RHEB: variants seen among roughly 807,000 people sequenced by gnomAD.
RHEB encodes the protein GTP-binding protein Rheb.
A neutral mutation model predicts 28.8 loss-of-function variants in RHEB; 2 were observed. The observed-to-expected ratio is 0.07, with a 90% confidence interval of 0.03 to 0.22. RHEB has a LOEUF of 0.22. Ranked by LOEUF, RHEB falls within the 10% of genes least tolerant of loss-of-function variation. The pLI, the probability that RHEB is intolerant of heterozygous loss-of-function variation, is 1.00. For missense variants in RHEB, 76 were observed against 219.9 expected (o/e 0.35, Z 4.14); for synonymous variants, 69 against 77.3 (o/e 0.89, Z 0.56).
At chr7:151,494,494 A>G (rs1307402771) in intron 1 of RHEB, among the ~76,000 whole-genome samples, 1 of 152,260 alleles carries the variant, frequency 6.6e-6, no homozygotes, top group Non-Finnish European at 1.5e-5. Context: ...ATGGGCATAC[A>G]CTATTTGACA....
intron 1 of RHEB, among the ~76,000 whole-genome samples, chr7:151,508,241 T>C (rs895621121): frequency 6.6e-6 from 1 of 152,126 alleles, no homozygotes; most frequent in African/African-American, 2.4e-5. Flanking sequence ...AATAACACAG[T>C]ATGAGGAAAA....
At chr7:151,491,171 T>C (rs1024829344) in intron 1 of RHEB, among the ~76,000 whole-genome samples, 157 bp from the exon 2 acceptor site, 1 of 152,220 alleles carries the variant, frequency 6.6e-6, no homozygotes, top group African/African-American at 2.4e-5. Context: ...TTTCAAAAAA[T>C]GAAATAAATT....
rs114515090 is a variant in RHEB, at chr7:151,474,269, C to T, written c.276-2664G>A. ...TTTCAGCTCATGATACAGTCTCCGCCTCCCAGGTTCAAGAGATTCTCCTGC... is the reference window on the plus strand; with the variant it reads ...TTTCAGCTCATGATACAGTCTCCGCTTCCCAGGTTCAAGAGATTCTCCTGC... On this transcript the variant is annotated intron_variant, in intron 4 of 7. Coordinates refer to ENST00000262187, the MANE Select transcript of RHEB (RefSeq NM_005614.4). Among the ~76,000 whole-genome samples the T allele has an allele frequency of 8.9e-3, 1,353 of 152,142 alleles. 20 individuals carry two copies. Among genetic ancestry groups the T allele is most frequent in the African/African-American group, 0.03 (1,259 of 41,500 alleles).
intron 4 of RHEB, among the ~76,000 whole-genome samples, chr7:151,475,138 C>T (rs1802250718): frequency 6.6e-6 from 1 of 152,238 alleles, no homozygotes; most frequent in African/African-American, 2.4e-5. Context: ...TTCTCAAATA[C>T]ATAAGGTCCT....
intron 1 of RHEB, among the ~76,000 whole-genome samples, chr7:151,492,126 A>G (rs116789152): frequency 0.02 from 2,983 of 152,250 alleles, 107 homozygotes; most frequent in African/African-American, 0.068. Flanking sequence ...CATGCTGTAT[A>G]TGCCTGGCAT....
intron 1 of RHEB, among the ~76,000 whole-genome samples, chr7:151,515,770 T>C (rs2150940788): frequency 6.6e-6 from 1 of 152,368 alleles, no homozygotes; most frequent in East Asian, 1.9e-4. Context: ...ATGAAGACTC[T>C]AAATACTACC....
chr7:151,490,204 G>A (rs1802555180), intron 2 of RHEB, among the ~76,000 whole-genome samples: 1 of 152,216 alleles, frequency 6.6e-6, no homozygotes, highest in Admixed American at 6.5e-5. Flanking sequence ...CTGGGAGGCT[G>A]AGGAAAGAGG....
chr7:151,479,549 G>C (rs371534813), intron 3 of RHEB, among the ~76,000 whole-genome samples: 1 of 152,024 alleles, frequency 6.6e-6, no homozygotes, highest in Non-Finnish European at 1.5e-5. Context: ...TGGGCGTGGT[G>C]GCGGGCGCCT....
Position 151,484,792 on chromosome 7 carries a change from A to C in RHEB, c.137T>G (p.Leu46Trp). ...ATATTCTTGTCCATTTACTGTGATC[A>C]ACTTTGTAAAAGCTACAGGGAAAAA... ...DPTIENTFTK[L>W]ITVNGQEYHL... is the part of the protein sequence containing the mutation. The change falls in exon 3 of 8, where the codon TTG (leucine) becomes TGG (tryptophan). Residue 46 changes from leucine to tryptophan, a missense_variant. Leu to Trp is a moderately conservative substitution (Grantham distance 61). Coordinates refer to ENST00000262187, the MANE Select transcript of RHEB (RefSeq NM_005614.4). 1.2e-6 allele frequency: 2 copies of C among 1,611,724 alleles called. No individual in the cohort carries two copies. Among genetic ancestry groups the C allele is most frequent in the Non-Finnish European group, 1.7e-6 (2 of 1,178,074 alleles).
At chr7:151,501,259 C>T (rs1802767468) in intron 1 of RHEB, among the ~76,000 whole-genome samples, 1 of 152,064 alleles carries the variant, frequency 6.6e-6, no homozygotes, top group South Asian at 2.1e-4. Context: ...CATAACTCAA[C>T]AACAAGAAAC....
intron 4 of RHEB, among the ~76,000 whole-genome samples, chr7:151,475,670 A>G (rs181141770): frequency 1.3e-4 from 20 of 152,360 alleles, no homozygotes; most frequent in African/African-American, 4.6e-4. Flanking sequence ...CTAAGTACAC[A>G]GTGGTTTTAA....
chr7:151,501,788 A>C (rs1351368267), intron 1 of RHEB: 1 of 333,166 alleles, frequency 3.0e-6, no homozygotes, highest in Non-Finnish European at 5.8e-6. Flanking sequence ...AGCGCACTGC[A>C]ACACATGCAG....
In RHEB at chr7:151,466,809, A is replaced by T. The variant is rs1368098738; in HGVS notation, c.*310T>A. The T allele has an allele frequency of 3.7e-6, 1 of 272,922 alleles. No homozygotes were observed. Among genetic ancestry groups the T allele is most frequent in the Middle Eastern group, 1.3e-3 (1 of 784 alleles). The allele number at this position is 272,922 out of a possible 1,614,324, so 16.9% of individuals were successfully genotyped here. ...TAATAGTAGTGTAACAATATGCATC[A>T]TTTTGATGATTACATTATTTTAAAC... is the stretch of plus-strand genomic sequence containing the variant. On this transcript the variant is annotated 3_prime_UTR_variant, in exon 8 of 8. Transcript: ENST00000262187.
In RHEB at chr7:151,515,388, G is replaced by A. The variant is rs376458370; in HGVS notation, c.52+4072C>T. Among the ~76,000 whole-genome samples, 10 of 152,270 alleles carry A rather than the reference G, an allele frequency of 6.6e-5. No individual in the cohort carries two copies. The East Asian group carries it at 1.9e-3, about 29-fold the overall frequency. On this transcript the variant is annotated intron_variant, in intron 1 of 7. Transcript: ENST00000262187. ...AATGAGTACAGAGTTTCTTTTTGGG[G>A]TGATGAAGTACAGAGAGATATAACC... is the stretch of plus-strand genomic sequence containing the variant.
chr7:151,519,394 C>G, intron 1 of RHEB, 66 bp downstream of exon 1: 1 of 1,212,934 alleles, frequency 8.2e-7, no homozygotes, highest in Non-Finnish European at 1.0e-6. Context: ...GCAGGCCCGG[C>G]CGCGACCCGG....
intron 1 of RHEB, among the ~76,000 whole-genome samples, chr7:151,499,210 T>A (rs1270176624): frequency 1.3e-5 from 2 of 152,030 alleles, no homozygotes; most frequent in African/African-American, 4.8e-5. Flanking sequence ...TACAAAAAAA[T>A]AGCTGGGCGT....
At chr7:151,505,001 G>C (rs1584865372) in intron 1 of RHEB, among the ~76,000 whole-genome samples, 1 of 142,934 alleles carries the variant, frequency 7.0e-6, no homozygotes, top group Non-Finnish European at 1.5e-5. Context: ...ATGGATCAGA[G>C]ACCTAAACAT....
intron 1 of RHEB, among the ~76,000 whole-genome samples, chr7:151,516,040 C>T (rs1803071634): frequency 8.8e-6 from 1 of 113,948 alleles, no homozygotes; most frequent in Non-Finnish European, 2.1e-5. Flanking sequence ...GTAACACTAC[C>T]ATTTTAAGTT....
chr7:151,473,771 T>A (rs1275278622), intron 4 of RHEB, among the ~76,000 whole-genome samples: 1 of 152,226 alleles, frequency 6.6e-6, no homozygotes, highest in Non-Finnish European at 1.5e-5. Flanking sequence ...CCAGTTAAAT[T>A]CATCATAGTC....
Sources: gnomAD v4.1 joint callset for allele counts (sites outside exome capture counted in the v4.1 genomes callset) on GRCh38, gnomAD v4.1.1 for gene constraint, MANE v1.5 for transcripts, NCBI Gene and HGNC (gene_info 2026-07-23, HGNC 2026-07-21) for gene names.